LINGO2: variants seen among roughly 807,000 people sequenced by gnomAD.
LINGO2 encodes leucine rich repeat and Ig domain containing 2.
In LINGO2, 14 loss-of-function variants were observed where a neutral mutation model predicts 30.6. The observed-to-expected ratio is 0.46, with a 90% CI of 0.30 to 0.72. The LOEUF is 0.72. LINGO2 is among the 30% of genes least tolerant of loss of function. LINGO2 has a pLI of 0.07. For missense variants in LINGO2, 729 were observed against 751.7 expected, an observed-to-expected ratio of 0.97 and a Z score of 0.35; for synonymous variants, 317 against 288.5, an observed-to-expected ratio of 1.10 and a Z score of -1.00.
At chr9:28,043,930 T>A (rs752355416) in intron 4 of LINGO2, among the ~76,000 whole-genome samples, 3 of 152,212 alleles carry the variant, frequency 2.0e-5, no homozygotes, top group Non-Finnish European at 4.4e-5. Flanking sequence ...AAGATCAAAA[T>A]AAGATTGTTC....
At chr9:28,848,142 T>C in the LINGO2 span, among the ~76,000 whole-genome samples, 1 of 111,836 alleles carries the variant, frequency 8.9e-6, no homozygotes, top group South Asian at 2.8e-4. Context: ...ATAGCATATA[T>C]ATACTATATA....
intron 4 of LINGO2, among the ~76,000 whole-genome samples, chr9:28,031,056 TATA>T (rs1408709468): frequency 1.3e-5 from 2 of 152,198 alleles, no homozygotes; most frequent in Non-Finnish European, 2.9e-5. Flanking sequence ...ATATTGATTC[TATA>T]ATAATTAATG....
chr9:28,132,986 G>C lies in LINGO2; in HGVS notation c.-86-120581C>G, dbSNP rs372586685. On this transcript the variant is annotated intron_variant, in intron 4 of 5. Transcript: ENST00000379992. ...GAAAACTCAGTGAGCTGTGGGTAAG[G>C]CTTTCAGCCCGTACATTTTTAACAT... Among the ~76,000 whole-genome samples, 23 of 152,248 alleles carry C rather than the reference G, an allele frequency of 1.5e-4. 1 individual carries two copies. In the East Asian group the frequency reaches 3.1e-3, roughly 20 times the overall value.
chr9:28,351,634 T>G (rs1219059422), intron 3 of LINGO2, among the ~76,000 whole-genome samples: 1 of 145,370 alleles, frequency 6.9e-6, no homozygotes, highest in Admixed American at 6.9e-5. Context: ...GAGGGAATCC[T>G]CCCTAACTCA....
the LINGO2 span, among the ~76,000 whole-genome samples, chr9:29,196,014 T>G: frequency 6.6e-6 from 1 of 152,096 alleles, no homozygotes; most frequent in East Asian, 1.9e-4. Flanking sequence ...GTGCTCCAGT[T>G]TAGATGAAAA....
At chr9:28,019,664 G>T (rs190434118) in intron 4 of LINGO2, among the ~76,000 whole-genome samples, 1 of 151,804 alleles carries the variant, frequency 6.6e-6, no homozygotes, top group East Asian at 1.9e-4. Context: ...TATTCTTTTT[G>T]CTTATCTATA....
At chr9:28,853,362 T>A in the LINGO2 span, among the ~76,000 whole-genome samples, 1,026 of 152,118 alleles carry the variant, frequency 6.7e-3, 11 homozygotes, top group African/African-American at 0.022. Context: ...TTAAAGTGAA[T>A]TAAAAGTTCA....
intron 3 of LINGO2, among the ~76,000 whole-genome samples, chr9:28,351,030 G>A (rs1819854883): frequency 6.6e-6 from 1 of 151,978 alleles, no homozygotes; most frequent in African/African-American, 2.4e-5. Context: ...AGCACTAAAT[G>A]CCCACAAGAG....
chr9:28,874,946 T>C, the LINGO2 span, among the ~76,000 whole-genome samples: 16 of 152,194 alleles, frequency 1.1e-4, no homozygotes, highest in South Asian at 1.7e-3. Context: ...GACTATACCA[T>C]GCTAAGGCTT....
At chr9:28,449,179 T>A (rs1318184634) in intron 2 of LINGO2, among the ~76,000 whole-genome samples, 1 of 152,040 alleles carries the variant, frequency 6.6e-6, no homozygotes, top group Non-Finnish European at 1.5e-5. Flanking sequence ...CGCCACAGCC[T>A]GTCTATGTGA....
At chr9:29,150,447 A>G in the LINGO2 span, among the ~76,000 whole-genome samples, 4 of 152,176 alleles carry the variant, frequency 2.6e-5, no homozygotes, top group Admixed American at 6.5e-5. Context: ...AATGACATAC[A>G]TTGAATACAT....
At chr9:28,500,462 A>G (rs1188898792) in intron 1 of LINGO2, among the ~76,000 whole-genome samples, 1 of 152,196 alleles carries the variant, frequency 6.6e-6, no homozygotes, top group African/African-American at 2.4e-5. Context: ...CAATAATTAA[A>G]ACATATTTTT....
intron 4 of LINGO2, among the ~76,000 whole-genome samples, chr9:28,013,933 T>C (rs1454790206): frequency 6.6e-6 from 1 of 152,220 alleles, no homozygotes; most frequent in Non-Finnish European, 1.5e-5. Flanking sequence ...TTCAATTCTT[T>C]CTGCAGTTCC....
intron 2 of LINGO2, among the ~76,000 whole-genome samples, chr9:28,456,581 C>G (rs150012158): frequency 6.6e-6 from 1 of 152,182 alleles, no homozygotes; most frequent in Non-Finnish European, 1.5e-5. Flanking sequence ...AGACAAGAGA[C>G]TGTTGCAGAT....
chr9:28,732,711 T>C, the LINGO2 span, among the ~76,000 whole-genome samples: 1 of 152,244 alleles, frequency 6.6e-6, no homozygotes. Context: ...TTTTGTTTAA[T>C]GTGCAATGCC....
At chr9:28,837,680 A>ATATATATATATATATATATT in the LINGO2 span, among the ~76,000 whole-genome samples, 1 of 133,132 alleles carries the variant, frequency 7.5e-6, no homozygotes, top group Non-Finnish European at 1.6e-5. Context: ...ATATATATAT[A>ATATATATATATATATATATT]TTTAGGATAA....
At chr9:28,883,628 G>GTGTGTGTGTATGTATATA in the LINGO2 span, among the ~76,000 whole-genome samples, 2 of 64,180 alleles carry the variant, frequency 3.1e-5, no homozygotes, top group Non-Finnish European at 6.1e-5. Flanking sequence ...ATGTGTGTGT[G>GTGTGTGTGTATGTATATA]TATATATATA....
chr9:28,500,143 GC>G (rs1450500922), intron 1 of LINGO2, among the ~76,000 whole-genome samples: 1 of 152,114 alleles, frequency 6.6e-6, no homozygotes, highest in Non-Finnish European at 1.5e-5. Flanking sequence ...TCTGAATAGA[GC>G]CACTGTGTGG....
the LINGO2 span, among the ~76,000 whole-genome samples, chr9:28,921,038 G>T: frequency 6.6e-6 from 1 of 152,102 alleles, no homozygotes; most frequent in African/African-American, 2.4e-5. Flanking sequence ...GATAGAAAAT[G>T]GAATTACAAT....
Sources: allele counts gnomAD v4.1 joint callset (sites outside exome capture counted in the v4.1 genomes callset), GRCh38; gene constraint gnomAD v4.1.1; transcripts MANE v1.5; gene names NCBI Gene and HGNC (gene_info 2026-07-23, HGNC 2026-07-21).